RASSF8: variants seen among roughly 807,000 people sequenced by gnomAD.
RASSF8 encodes the protein Ras association domain family member 8, also known as ras association domain-containing protein 8.
In RASSF8, 22 loss-of-function variants were observed where a neutral mutation model predicts 48.5. The ratio of observed to expected loss-of-function variants is 0.45; its 90% CI spans 0.32 to 0.65. RASSF8 has a LOEUF of 0.65. Ranked by LOEUF, RASSF8 falls within the 30% of genes least tolerant of loss-of-function variation. The probability of loss-of-function intolerance (pLI) is 0.03; values close to 1 mark genes in which losing one functional copy is unlikely to be tolerated. For synonymous variants in RASSF8, 127 were observed against 171.5 expected (o/e 0.74, Z 2.03); for missense variants, 418 against 489.2 (o/e 0.85, Z 1.37).
rs1418565895 is a variant in RASSF8, at chr12:26,070,768, AAATT to A, written c.*1951_*1954del. The A allele has an allele frequency of 1.0e-6, 1 of 980,322 alleles. No individual in the cohort carries two copies. Among genetic ancestry groups the A allele is most frequent in the Non-Finnish European group, 1.2e-6 (1 of 825,388 alleles). 60.7% of individuals were successfully genotyped at this position (980,322 alleles called of 1,614,324 possible). On this transcript the variant is annotated 3_prime_UTR_variant, in exon 6 of 6. Transcript: ENST00000689635. ...TTATTCACAAAGAAAAACATTTTATAAATTGATCGCATTTTCTTTAAGTCAAAAT... is the reference window on the plus strand; with the variant it reads ...TTATTCACAAAGAAAAACATTTTATAGATCGCATTTTCTTTAAGTCAAAAT...
rs1942101424 is a variant in RASSF8 at position 25,995,048 on chromosome 12, G to C, written c.-191G>C. On this transcript the variant is annotated 5_prime_UTR_variant, in exon 2 of 6. Transcript: ENST00000689635. The stretch of plus-strand genomic sequence containing the variant: ...ATGTACCTTTGCAGGTGCCTGTGTA[G>C]ATCATCCTAGAATACCTGTGTGGTG... 1 of 152,190 alleles carries C rather than the reference G, an allele frequency of 6.6e-6. No homozygotes were observed. The highest frequency in any genetic ancestry group is 2.4e-5 in the African/African-American group (1 of 41,426). The allele number at this position is 152,190 out of a possible 1,614,324, so 9.4% of individuals were successfully genotyped here.
chr12:26,009,043 C>T (rs77740783), intron 2 of RASSF8, among the ~76,000 whole-genome samples: 5,877 of 152,218 alleles, frequency 0.039, 145 homozygotes, highest in African/African-American at 0.065. Context: ...CCCCTGTGTA[C>T]CACAAAATGG....
chr12:25,979,600 G>A (rs1176334374), intron 1 of RASSF8, among the ~76,000 whole-genome samples: 2 of 152,186 alleles, frequency 1.3e-5, no homozygotes, highest in African/African-American at 2.4e-5. Context: ...ATGAAAGTCT[G>A]TGCTTTTTTA....
At chr12:25,965,268 A>G (rs1322394779) in intron 1 of RASSF8, among the ~76,000 whole-genome samples, 1 of 151,968 alleles carries the variant, frequency 6.6e-6, no homozygotes, top group Non-Finnish European at 1.5e-5. Context: ...GATATCATTG[A>G]CACACAATAA....
intron 1 of RASSF8, among the ~76,000 whole-genome samples, chr12:25,964,029 A>G (rs1941298800): frequency 6.6e-6 from 1 of 151,220 alleles, no homozygotes; most frequent in South Asian, 2.1e-4. Flanking sequence ...GCAAGCCCTG[A>G]GAGGGGCACA....
At chr12:25,998,476 A>G (rs1253914270) in intron 2 of RASSF8, among the ~76,000 whole-genome samples, 2 of 150,768 alleles carry the variant, frequency 1.3e-5, no homozygotes, top group Non-Finnish European at 2.9e-5. Context: ...CAGCCTCTGG[A>G]GTAGCTGGGA....
chr12:26,034,406 TAAA>T (rs11344442), intron 2 of RASSF8, among the ~76,000 whole-genome samples: 10 of 144,426 alleles, frequency 6.9e-5, no homozygotes, highest in African/African-American at 1.0e-4. Context: ...GCAGATGAAG[TAAA>T]AAAAAAAAAA....
In RASSF8 at chr12:25,977,668, A is replaced by G. The variant is rs760166134; in HGVS notation, c.-202-17369A>G. On this transcript the variant is annotated intron_variant, in intron 1 of 5. Transcript: ENST00000689635. Reference sequence around the variant, plus strand: ...TAGTATACAAGTTAAAATATTTGTAAGGCAAAAAAAAAAAATAAGAATCTT... The same window carrying G: ...TAGTATACAAGTTAAAATATTTGTAGGGCAAAAAAAAAAAATAAGAATCTT... Among the ~76,000 whole-genome samples, 67 of 142,312 alleles carry G rather than the reference A, an allele frequency of 4.7e-4. No individual in the cohort carries two copies. In the Middle Eastern group the frequency reaches 0.014, roughly 30 times the overall value. The allele number at this position is 142,312 out of a possible 152,430, so 93.4% of individuals were successfully genotyped here.
At chr12:26,045,885 G>A (rs1295251831) in intron 2 of RASSF8, among the ~76,000 whole-genome samples, 1 of 152,176 alleles carries the variant, frequency 6.6e-6, no homozygotes, top group Non-Finnish European at 1.5e-5. Flanking sequence ...TGACTGGAAG[G>A]TAACGAACTT....
At chr12:25,987,179 C>T (rs1189640882) in intron 1 of RASSF8, among the ~76,000 whole-genome samples, 1 of 152,176 alleles carries the variant, frequency 6.6e-6, no homozygotes, top group Non-Finnish European at 1.5e-5. Context: ...GGTGATCCAC[C>T]TGCCTCGGCC....
chr12:26,056,514 G>A (rs561322354), intron 3 of RASSF8, among the ~76,000 whole-genome samples: 3 of 152,214 alleles, frequency 2.0e-5, no homozygotes, highest in South Asian at 2.1e-4. Context: ...TTTATGTCTC[G>A]CCAGTTTATA....
chr12:25,995,581 T>A (rs1397004039), intron 2 of RASSF8, among the ~76,000 whole-genome samples: 3 of 152,212 alleles, frequency 2.0e-5, no homozygotes, highest in Non-Finnish European at 4.4e-5. Flanking sequence ...TATAATAATC[T>A]TGGTAAGTCT....
intron 2 of RASSF8, among the ~76,000 whole-genome samples, chr12:26,018,769 A>G (rs1281949445): frequency 6.6e-6 from 1 of 152,222 alleles, no homozygotes; most frequent in Non-Finnish European, 1.5e-5. Context: ...CAGATTTGAT[A>G]CGGCCCCAGA....
In RASSF8 at chr12:26,070,900, T is replaced by C. The variant is rs1943985123; in HGVS notation, c.*2082T>C. 3.0e-6 allele frequency: 3 copies of C among 984,942 alleles called. No homozygotes were observed. The highest frequency in any genetic ancestry group is 3.6e-6 in the Non-Finnish European group (3 of 829,576). 61.0% of individuals were successfully genotyped at this position (984,942 alleles called of 1,614,324 possible). On this transcript the variant is annotated 3_prime_UTR_variant, in exon 6 of 6. Transcript: ENST00000689635. ...ATATCCAACTCATTATAAATTGTTA[T>C]CAGAATTAACCTAATAACTTTAAGT... is the stretch of plus-strand genomic sequence containing the variant.
intron 1 of RASSF8, among the ~76,000 whole-genome samples, chr12:25,976,986 C>G (rs1941622580): frequency 6.6e-6 from 1 of 152,154 alleles, no homozygotes; most frequent in African/African-American, 2.4e-5. Flanking sequence ...TTCTCCTCAC[C>G]TTAGATTTTT....
chr12:26,007,114 C>G (rs920604103), intron 2 of RASSF8, among the ~76,000 whole-genome samples: 1 of 151,876 alleles, frequency 6.6e-6, no homozygotes, highest in Non-Finnish European at 1.5e-5. Flanking sequence ...GGAGGAGGTG[C>G]CAGGCTCTTT....
Position 26,045,105 on chromosome 12 carries a change from A to G in RASSF8, c.-108-10131A>G, listed in dbSNP as rs532926899. ...AATAGAACAATCAAAATTATTCTTA[A>G]CCCTTAGAGATTAGGAAAAAACTAA... is the stretch of plus-strand genomic sequence containing the variant. On this transcript the variant is annotated intron_variant, in intron 2 of 5. Transcript: ENST00000689635. 2.6e-5 allele frequency among the ~76,000 whole-genome samples: 4 copies of G among 152,280 alleles called. No individual in the cohort carries two copies. In the East Asian group the frequency reaches 7.7e-4, roughly 29 times the overall value.
chr12:26,075,416 T>C (rs60889945), downstream of RASSF8, among the ~76,000 whole-genome samples: 3,756 of 152,326 alleles, frequency 0.025, 156 homozygotes, highest in African/African-American at 0.085. Flanking sequence ...GTTTTTGCAG[T>C]GTTCCCTGTG....
chr12:26,036,326 C>G (rs138492628), intron 2 of RASSF8, among the ~76,000 whole-genome samples: 1,863 of 152,014 alleles, frequency 0.012, 20 homozygotes, highest in South Asian at 0.019. Context: ...TCCATCCCTT[C>G]AAGAAAAAGA....
Sources: gnomAD v4.1 joint callset for allele counts (sites outside exome capture counted in the v4.1 genomes callset) on GRCh38, gnomAD v4.1.1 for gene constraint, MANE v1.5 for transcripts, NCBI Gene and HGNC (gene_info 2026-07-23, HGNC 2026-07-21) for gene names.